Variants in TMEM74 observed in about 807,000 individuals in gnomAD.
TMEM74 encodes transmembrane protein 74.
In TMEM74, 13 loss-of-function variants were observed where a neutral mutation model predicts 18.1. The ratio of observed to expected loss-of-function variants is 0.72; its 90% CI spans 0.47 to 1.14. The LOEUF is 1.14. Ranked by LOEUF, TMEM74 falls within the 50% of genes most tolerant of loss-of-function variation. The pLI is 0.00. For missense variants in TMEM74, 372 were observed against 375.9 expected (o/e 0.99, Z 0.09); for synonymous variants, 159 against 146.6 (o/e 1.08, Z -0.61).
chr8:108,728,408 G>A (rs531850752), intron 1 of TMEM74, among the ~76,000 whole-genome samples: 1 of 152,238 alleles, frequency 6.6e-6, no homozygotes, highest in Non-Finnish European at 1.5e-5. Context: ...GTAACTGGTA[G>A]GAAGGTAGAG....
chr8:108,694,525 T>A (rs985690097), intron 1 of TMEM74, among the ~76,000 whole-genome samples: 23 of 152,342 alleles, frequency 1.5e-4, no homozygotes, highest in Admixed American at 3.3e-4. Context: ...TGATGCTGAA[T>A]TCTCCTTTAA....
chr8:108,759,220 A>T (rs1435304997), intron 1 of TMEM74, among the ~76,000 whole-genome samples: 1 of 152,058 alleles, frequency 6.6e-6, no homozygotes, highest in Non-Finnish European at 1.5e-5. Flanking sequence ...TTTATTTTTT[A>T]AAAAACACAA....
chr8:108,714,792 T>C, intron 1 of TMEM74, among the ~76,000 whole-genome samples: 1 of 152,112 alleles, frequency 6.6e-6, no homozygotes, highest in Non-Finnish European at 1.5e-5. Flanking sequence ...CCATCAATAA[T>C]AAACTGGATA....
At chr8:108,763,281 A>G (rs1814066110) in intron 1 of TMEM74, among the ~76,000 whole-genome samples, 1 of 147,234 alleles carries the variant, frequency 6.8e-6, no homozygotes. Context: ...AAGGGAAAAC[A>G]GAACCCAAGG....
chr8:108,722,290 G>A (rs1177365001), intron 1 of TMEM74, among the ~76,000 whole-genome samples: 1 of 152,164 alleles, frequency 6.6e-6, no homozygotes, highest in Non-Finnish European at 1.5e-5. Context: ...CAGGGTGTGA[G>A]GAGCACTATT....
At chr8:108,636,647 G>T (rs970147940) in intron 2 of TMEM74, among the ~76,000 whole-genome samples, 1 of 152,114 alleles carries the variant, frequency 6.6e-6, no homozygotes, top group East Asian at 1.9e-4. Flanking sequence ...GAACCCAACA[G>T]CCAGCATAAA....
intron 1 of TMEM74, among the ~76,000 whole-genome samples, chr8:108,750,101 G>A (rs1329995799): frequency 1.3e-5 from 2 of 152,050 alleles, no homozygotes; most frequent in Non-Finnish European, 2.9e-5. Context: ...ACTGCTCCAA[G>A]GGAAATGAAA....
chr8:108,784,517 G>T lies in TMEM74; in HGVS notation c.582C>A (p.Ile194=). The T allele has an allele frequency of 6.2e-7, 1 of 1,614,190 alleles. No individual in the cohort carries two copies. Among genetic ancestry groups the T allele is most frequent in the Non-Finnish European group, 8.5e-7 (1 of 1,180,046 alleles). The change falls in exon 2 of 2, where the codon ATC becomes ATA. Residue 194 remains isoleucine (I), a synonymous_variant. Coordinates refer to ENST00000297459, the MANE Select transcript of TMEM74 (RefSeq NM_153015.3). ...FLVTGILLVI[I]SYIVPREVTV... is the part of the protein sequence containing the mutation. ...TCACTTCCCGTGGGACGATGTAAGA[G>T]ATGATCACGAGCAGGATCCCAGTGA...
At chr8:108,687,942 T>G (rs1414238101) in intron 1 of TMEM74, among the ~76,000 whole-genome samples, 4 of 151,966 alleles carry the variant, frequency 2.6e-5, no homozygotes, top group East Asian at 3.9e-4. Context: ...ACTCTAGGGG[T>G]TTCTATGGTT....
chr8:108,721,667 T>G (rs1813588308), intron 1 of TMEM74, among the ~76,000 whole-genome samples: 1 of 152,250 alleles, frequency 6.6e-6, no homozygotes, highest in African/African-American at 2.4e-5. Flanking sequence ...ATTATGTGGT[T>G]TACGATTTCC....
At chr8:108,705,240 G>T (rs1358166703) in intron 1 of TMEM74, among the ~76,000 whole-genome samples, 1 of 152,168 alleles carries the variant, frequency 6.6e-6, no homozygotes, top group African/African-American at 2.4e-5. Flanking sequence ...ACTGGAAAAA[G>T]ACCTAAAAGT....
chr8:108,622,279 C>A (rs1264765873), intron 2 of TMEM74, among the ~76,000 whole-genome samples: 1 of 152,042 alleles, frequency 6.6e-6, no homozygotes, highest in African/African-American at 2.4e-5. Context: ...ATGGGTGAAA[C>A]TCCCTCTATA....
At chr8:108,755,776 T>A (rs1206835241) in intron 1 of TMEM74, among the ~76,000 whole-genome samples, 1 of 151,956 alleles carries the variant, frequency 6.6e-6, no homozygotes, top group Non-Finnish European at 1.5e-5. Flanking sequence ...CTGTTAAGAG[T>A]CAGAGTAGAA....
At chr8:108,647,304 A>C (rs1812729585) in intron 2 of TMEM74, among the ~76,000 whole-genome samples, 1 of 152,196 alleles carries the variant, frequency 6.6e-6, no homozygotes, top group Admixed American at 6.5e-5. Context: ...GGCCACCCAG[A>C]TGAAGACAGC....
At chr8:108,631,294 T>A (rs1241097761) in intron 2 of TMEM74, among the ~76,000 whole-genome samples, 1 of 151,968 alleles carries the variant, frequency 6.6e-6, no homozygotes, top group Admixed American at 6.6e-5. Flanking sequence ...CTGCAGGTAG[T>A]GGAGTGTGAA....
At chr8:108,724,029 T>G (rs1466403918) in intron 1 of TMEM74, among the ~76,000 whole-genome samples, 1 of 152,162 alleles carries the variant, frequency 6.6e-6, no homozygotes, top group Non-Finnish European at 1.5e-5. Flanking sequence ...AGCCCCACAG[T>G]CCAACTTTGC....
rs542172632 is a variant in TMEM74, at chr8:108,679,956, T to A, written n.120-24519A>T. 3.9e-3 allele frequency among the ~76,000 whole-genome samples: 596 copies of A among 152,250 alleles called. 7 individuals are homozygous for A. The highest frequency in any genetic ancestry group is 0.014 in the African/African-American group (565 of 41,552). ...AATCTAGAAGAAATGGATAAATTCC[T>A]CGACACATACACCCTCCCAAGACTA... On this transcript the variant is annotated intron_variant and non_coding_transcript_variant, in intron 1 of 3. Coordinates refer to the TMEM74 transcript ENST00000518838.
At chr8:108,676,515 T>G (rs955610501) in intron 1 of TMEM74, among the ~76,000 whole-genome samples, 1 of 152,188 alleles carries the variant, frequency 6.6e-6, no homozygotes, top group Non-Finnish European at 1.5e-5. Context: ...TTAAGTCTTC[T>G]CTCACATGTA....
intron 2 of TMEM74, among the ~76,000 whole-genome samples, chr8:108,617,125 G>C (rs928473269): frequency 6.6e-6 from 1 of 151,690 alleles, no homozygotes; most frequent in African/African-American, 2.4e-5. Context: ...GATAAGTAGG[G>C]GTTAGTGAGG....
Sources: gnomAD v4.1 joint callset for allele counts (sites outside exome capture counted in the v4.1 genomes callset) on GRCh38, gnomAD v4.1.1 for gene constraint, MANE v1.5 for transcripts, NCBI Gene and HGNC (gene_info 2026-07-23, HGNC 2026-07-21) for gene names.